The following PLEKHA7 variants were observed in gnomAD, a reference collection of about 807,000 sequenced individuals.
PLEKHA7 encodes the protein pleckstrin homology domain-containing family A member 7.
PLEKHA7 carries 104 observed loss-of-function variants against 170.0 expected under a neutral mutation model. The observed-to-expected ratio is 0.61, with a 90% CI of 0.52 to 0.72. The LOEUF (loss-of-function observed/expected upper bound fraction) is 0.72. Among genes scored for constraint, PLEKHA7 ranks in the 30% least tolerant of loss-of-function variants. The pLI is 0.00. For missense variants in PLEKHA7, 1,615 were observed against 1,671.7 expected (o/e 0.97, Z 0.59); for synonymous variants, 648 against 660.8 (o/e 0.98, Z 0.30).
chr11:16,779,025 C>A lies in PLEKHA7; in HGVS notation c.3794-5G>T, dbSNP rs1848826523. 2 of 702,438 alleles carry A rather than the reference C, an allele frequency of 2.8e-6. No individual in the cohort carries two copies. Among genetic ancestry groups the A allele is most frequent in the Admixed American group, 4.0e-5 (2 of 49,994 alleles). 43.5% of individuals were successfully genotyped at this position (702,438 alleles called of 1,614,324 possible). A position where few individuals can be genotyped will look rare whatever the true frequency, so the allele number is the denominator to read the frequency against. On this transcript the variant is annotated splice_polypyrimidine_tract_variant and splice_region_variant and intron_variant, in intron 26 of 26. Coordinates refer to ENST00000531066, the MANE Select transcript of PLEKHA7 (RefSeq NM_001329630.2). ...ACGGGTCAGTCACTGCCTGGGCTGG[C>A]AAAAAGCACAGGAGACAGTGAGAGG...
chr11:16,830,152 A>ATT (rs61589645), intron 9 of PLEKHA7, among the ~76,000 whole-genome samples: 2 of 147,086 alleles, frequency 1.4e-5, no homozygotes, highest in Non-Finnish European at 1.5e-5. Context: ...CTAATTTTTA[A>ATT]TTTTTTTTTT....
intron 9 of PLEKHA7, among the ~76,000 whole-genome samples, chr11:16,834,715 C>T (rs1193462770): frequency 1.3e-5 from 2 of 152,114 alleles, no homozygotes; most frequent in East Asian, 3.9e-4. Context: ...TTAGACAAGA[C>T]AGAAAAGGCA....
At chr11:16,973,811 G>C (rs182489751) in intron 3 of PLEKHA7, among the ~76,000 whole-genome samples, 1 of 152,182 alleles carries the variant, frequency 6.6e-6, no homozygotes, top group Non-Finnish European at 1.5e-5. Flanking sequence ...CCCATCCACT[G>C]TGAGTATCAA....
chr11:16,790,195 C>G (rs1564909707), intron 21 of PLEKHA7: 1 of 371,186 alleles, frequency 2.7e-6, no homozygotes, highest in Non-Finnish European at 5.0e-6. Flanking sequence ...CTTTCACCCC[C>G]TGATCCATTC....
At position 16,855,896 on chromosome 11, in the gene PLEKHA7, C is replaced by T. The variant is rs147839994; in HGVS notation, c.324G>A (p.Ser108=). The part of the protein sequence containing the change: ...ILQEEPNPHM[S]KQDRNQRPSS... ...ACGGTCTTTGGTTTCTGTCTTGCTT[C>T]GACATATGTGGATTCGGCCTGTGAG... is the stretch of plus-strand genomic sequence containing the variant. Residue 108 remains serine, a synonymous_variant, in exon 5 of 27, where the codon TCG becomes TCA. Transcript: ENST00000531066. 7.4e-6 allele frequency: 12 copies of T among 1,613,868 alleles called. No individual in the cohort carries two copies. In the African/African-American group the frequency reaches 8.0e-5, roughly 11 times the overall value.
At chr11:16,913,316 GCCC>G (rs1252182283) in intron 3 of PLEKHA7, among the ~76,000 whole-genome samples, 1 of 152,046 alleles carries the variant, frequency 6.6e-6, no homozygotes, top group African/African-American at 2.4e-5. Context: ...AATGCTAATT[GCCC>G]CCACAAGTTC....
intron 26 of PLEKHA7, among the ~76,000 whole-genome samples, chr11:16,779,398 T>C (rs997913454): frequency 6.6e-6 from 1 of 152,196 alleles, no homozygotes; most frequent in African/African-American, 2.4e-5. Context: ...TTAACAAGGA[T>C]GCTTTGAGAG....
At chr11:16,792,291 A>T (rs1018321920) in intron 19 of PLEKHA7, among the ~76,000 whole-genome samples, 1 of 152,204 alleles carries the variant, frequency 6.6e-6, no homozygotes, top group African/African-American at 2.4e-5. Context: ...ACATGTTATT[A>T]TGTACTTTTT....
chr11:16,909,551 A>T (rs1467473176), intron 3 of PLEKHA7, among the ~76,000 whole-genome samples: 1 of 152,216 alleles, frequency 6.6e-6, no homozygotes, highest in Non-Finnish European at 1.5e-5. Flanking sequence ...AGCAGCCTAG[A>T]CAGGTGCAAA....
At chr11:16,984,288 A>G (rs1863603481) in intron 3 of PLEKHA7, among the ~76,000 whole-genome samples, 1 of 152,190 alleles carries the variant, frequency 6.6e-6, no homozygotes, top group South Asian at 2.1e-4. Context: ...AATATTTAGA[A>G]TAAGTACTTA....
chr11:16,816,105 T>C (rs1849731626), intron 12 of PLEKHA7, 73 bp downstream of exon 12: 1 of 1,268,258 alleles, frequency 7.9e-7, no homozygotes, highest in East Asian at 2.3e-5. Flanking sequence ...CTGGACTGCA[T>C]TGTACTAACT....
At chr11:16,879,742 G>A (rs1259489987) in intron 3 of PLEKHA7, among the ~76,000 whole-genome samples, 1 of 152,206 alleles carries the variant, frequency 6.6e-6, no homozygotes, top group Non-Finnish European at 1.5e-5. Flanking sequence ...TTGCAAAGAG[G>A]GAAGTCCGTC....
At chr11:16,857,757 C>T (rs1042885387) in intron 4 of PLEKHA7, among the ~76,000 whole-genome samples, 8 of 152,204 alleles carry the variant, frequency 5.3e-5, no homozygotes, top group Admixed American at 2.6e-4. Flanking sequence ...TTCGCTCTGT[C>T]GCCCGGGCTG....
chr11:16,907,130 C>T (rs1268677605), intron 3 of PLEKHA7, among the ~76,000 whole-genome samples: 2 of 89,624 alleles, frequency 2.2e-5, no homozygotes, highest in Non-Finnish European at 4.7e-5. Context: ...CAGCCCCCCG[C>T]CCGGCCAGCC....
At chr11:16,961,480 A>G (rs1194173581) in intron 3 of PLEKHA7, among the ~76,000 whole-genome samples, 1 of 152,188 alleles carries the variant, frequency 6.6e-6, no homozygotes, top group Non-Finnish European at 1.5e-5. Flanking sequence ...AGAGTTTACA[A>G]TTACGGGCTA....
chr11:16,851,314 G>C (rs1852933649), intron 7 of PLEKHA7, 23 bp from the exon 8 acceptor site: 2 of 1,587,010 alleles, frequency 1.3e-6, no homozygotes, highest in African/African-American at 1.3e-5. Flanking sequence ...AAATGCATCA[G>C]AACAACCTTC....
At position 16,789,707 on chromosome 11, in the gene PLEKHA7, C is replaced by G. The variant is rs923548785; in HGVS notation, c.3156+68G>C. 1.4e-6 allele frequency: 2 copies of G among 1,409,204 alleles called. No homozygotes were observed. Among genetic ancestry groups the G allele is most frequent in the African/African-American group, 2.8e-5 (2 of 70,644 alleles). 87.3% of individuals were successfully genotyped at this position (1,409,204 alleles called of 1,614,324 possible). ...GGCTGAAGGGATGGCCAGTTACTGT[C>G]CCCCTGGGAGACCCTCCCTCCCCAT... On this transcript the variant is annotated intron_variant, in intron 22 of 26. Coordinates refer to ENST00000531066, the MANE Select transcript of PLEKHA7 (RefSeq NM_001329630.2). The surrounding 1 kb of genome is among the most constrained non-coding windows in gnomAD (Gnocchi z 4.6).
At chr11:17,009,711 T>C (rs1010913859) in intron 3 of PLEKHA7, among the ~76,000 whole-genome samples, 1 of 152,060 alleles carries the variant, frequency 6.6e-6, no homozygotes, top group Non-Finnish European at 1.5e-5. Flanking sequence ...TCATAGCTCA[T>C]GGTAAACTCA....
intron 3 of PLEKHA7, among the ~76,000 whole-genome samples, chr11:16,875,244 T>C (rs1391424922): frequency 3.3e-5 from 5 of 152,172 alleles, no homozygotes; most frequent in Admixed American, 3.3e-4. Flanking sequence ...CATCATCTTA[T>C]TTGCCCCTCC....
Sources: gnomAD v4.1 joint callset for allele counts (sites outside exome capture counted in the v4.1 genomes callset) on GRCh38, gnomAD v4.1.1 for gene constraint, Gnocchi (gnomAD v3.1) non-coding constraint, MANE v1.5 for transcripts, NCBI Gene and HGNC (gene_info 2026-07-23, HGNC 2026-07-21) for gene names.